The following FBF1 variants were observed in gnomAD, a reference collection of about 807,000 sequenced individuals.
FBF1 encodes Fas binding factor 1.
In FBF1, 119 loss-of-function variants were observed where a neutral mutation model predicts 147.2. That is an observed-to-expected ratio of 0.81 (90% CI 0.70 to 0.94). The LOEUF (loss-of-function observed/expected upper bound fraction) is 0.94. Ranked by LOEUF, FBF1 falls within the 40% of genes least tolerant of loss-of-function variation. The probability of loss-of-function intolerance (pLI) is 0.00; values close to 1 mark genes in which losing one functional copy is unlikely to be tolerated. For missense variants in FBF1, 1,449 were observed against 1,500.8 expected (o/e 0.97, Z 0.57); for synonymous variants, 601 against 609.0 (o/e 0.99, Z 0.19).
At chr17:75,940,323 C>T (rs919820909) in intron 1 of FBF1, among the ~76,000 whole-genome samples, 3 of 151,844 alleles carry the variant, frequency 2.0e-5, no homozygotes, top group Non-Finnish European at 2.9e-5. Flanking sequence ...GCTCTCATAG[C>T]TTACTGCAGC....
In FBF1 at chr17:75,920,531, T is replaced by A. The variant is rs2065519250; in HGVS notation, c.1675-102A>T. ...ACTGCTCACTGGACCTCCCTGCATCTGATCTGTGGCTGCAGATGGGGCCAA... is the reference window on the plus strand; with the variant it reads ...ACTGCTCACTGGACCTCCCTGCATCAGATCTGTGGCTGCAGATGGGGCCAA... On this transcript the variant is annotated intron_variant, in intron 17 of 29. Transcript: ENST00000636174. The A allele has an allele frequency of 3.1e-6, 4 of 1,283,172 alleles. No homozygotes were observed. The Admixed American group carries it at 1.0e-4, about 34-fold the overall frequency. 79.5% of individuals were successfully genotyped at this position (1,283,172 alleles called of 1,614,324 possible). A position where few individuals can be genotyped will look rare whatever the true frequency, so the allele number is the denominator to read the frequency against.
rs1448443245 is a variant in FBF1, at chr17:75,925,609, A to G, written c.869-163T>C. Among the ~76,000 whole-genome samples the G allele has an allele frequency of 1.3e-5, 2 of 152,236 alleles. No individual in the cohort carries two copies. The highest frequency in any genetic ancestry group is 2.9e-5 in the Non-Finnish European group (2 of 68,032). ...CCTCAGGCACTGGCCAGGAAGATGC[A>G]GTGGCCTTGCAGTAGCCAGACCCTG... On this transcript the variant is annotated intron_variant, in intron 12 of 29. Coordinates refer to ENST00000636174, the MANE Select transcript of FBF1 (RefSeq NM_001319193.2). The surrounding 1 kb of genome is among the most constrained non-coding windows in gnomAD (Gnocchi z 5.0).
chr17:75,929,964 C>CCCACACAAAAAA, intron 7 of FBF1, 33 bp downstream of exon 7: 1 of 1,402,202 alleles, frequency 7.1e-7, no homozygotes, highest in Non-Finnish European at 9.9e-7. Context: ...CACCCACCCC[C>CCCACACAAAAAA]AGTTCTAAGA....
chr17:75,940,666 G>C (rs532459181), intron 1 of FBF1, 182 bp downstream of exon 1: 1 of 153,868 alleles, frequency 6.5e-6, no homozygotes, highest in Non-Finnish European at 1.5e-5. Flanking sequence ...GGGCTTCTCA[G>C]ACTATGGGGA....
At chr17:75,921,446 A>G in intron 16 of FBF1, 26 bp downstream of exon 16, 1 of 1,602,498 alleles carries the variant, frequency 6.2e-7, no homozygotes, top group South Asian at 1.1e-5. Context: ...TAAACTCCCA[A>G]ATGAAGCAGC....
intron 15 of FBF1, 50 bp from the exon 16 acceptor site, chr17:75,921,610 G>A: frequency 1.3e-6 from 2 of 1,499,954 alleles, no homozygotes; most frequent in Non-Finnish European, 1.8e-6. Flanking sequence ...GTGGGACACG[G>A]GGACGGGGCA....
intron 2 of FBF1, 168 bp from the exon 3 acceptor site, chr17:75,937,761 G>T: frequency 1.3e-6 from 1 of 766,246 alleles, no homozygotes; most frequent in Non-Finnish European, 2.2e-6. Context: ...TTCTGAGAAC[G>T]GACTCATTCA....
At chr17:75,937,183 T>G (rs1001462011) in intron 3 of FBF1, among the ~76,000 whole-genome samples, 1 of 152,082 alleles carries the variant, frequency 6.6e-6, no homozygotes, top group Non-Finnish European at 1.5e-5. Context: ...CATTTTTTTT[T>G]TTTTTGAGAC....
In FBF1 at chr17:75,930,663, C is replaced by T. The variant is rs563843255; in HGVS notation, c.228+566G>A. On this transcript the variant is annotated intron_variant, in intron 6 of 29. Transcript: ENST00000636174. ...TCTTTGGCTGGGCACGGTGGGTCAG[C>T]CTGTAATCACAGTACTTTGAGAGGC... Among the ~76,000 whole-genome samples the T allele has an allele frequency of 3.3e-5, 5 of 152,234 alleles. No individual in the cohort carries two copies. The East Asian group carries it at 9.7e-4, about 29-fold the overall frequency.
rs747830668 is a variant in FBF1 at position 75,938,108 on chromosome 17, T to C, written c.3+39A>G. ...CTTTGGGGATGCAGGATGGGAGGCA[T>C]GTTCGCTTTCCATGCATCTTACTCT... On this transcript the variant is annotated intron_variant, in intron 2 of 29. Coordinates refer to ENST00000636174, the MANE Select transcript of FBF1 (RefSeq NM_001319193.2). 6 of 1,612,136 alleles carry C rather than the reference T, an allele frequency of 3.7e-6. No homozygotes were observed. The South Asian group carries it at 5.5e-5, about 15-fold the overall frequency.
Position 75,918,518 on chromosome 17 carries a change from CAG to C in FBF1, c.2139-251_2139-250del, listed in dbSNP as rs1474608309. 1.3e-5 allele frequency among the ~76,000 whole-genome samples: 2 copies of C among 152,280 alleles called. No homozygotes were observed. Among genetic ancestry groups the C allele is most frequent in the East Asian group, 1.9e-4 (1 of 5,180 alleles). On this transcript the variant is annotated intron_variant, in intron 20 of 29. Coordinates refer to ENST00000636174, the MANE Select transcript of FBF1 (RefSeq NM_001319193.2). The surrounding 1 kb of genome is among the most constrained non-coding windows in gnomAD (Gnocchi z 5.8). ...GGAGATGGAGTTTTGCTCTGTCACC[CAG>C]AGTCTCTCACTCTGTCGCCCAGGCT... is the stretch of plus-strand genomic sequence containing the variant.
Position 75,937,535 on chromosome 17 carries a change from C to T in FBF1, c.31+31G>A, listed in dbSNP as rs756293684. 2.5e-6 allele frequency: 4 copies of T among 1,612,730 alleles called. No homozygotes were observed. The African/African-American group carries it at 5.3e-5, about 22-fold the overall frequency. ...AAAGGGGAAAAAGATATATATTTGG[C>T]TTAAGAGTAATGTTCCATCTCTCCA... is the stretch of plus-strand genomic sequence containing the variant. On this transcript the variant is annotated intron_variant, in intron 3 of 29. Transcript: ENST00000636174.
chr17:75,936,514 C>G (rs1199167540), intron 3 of FBF1, among the ~76,000 whole-genome samples: 1 of 150,772 alleles, frequency 6.6e-6, no homozygotes, highest in Non-Finnish European at 1.5e-5. Flanking sequence ...ACAAACAAAA[C>G]CAAAACAAAA....
chr17:75,938,237 T>G lies in FBF1; in HGVS notation c.-83-5A>C. On this transcript the variant is annotated splice_polypyrimidine_tract_variant and splice_region_variant and intron_variant, in intron 1 of 29. Transcript: ENST00000636174. Reference sequence around the variant, plus strand: ...CCCACATCAGGCTCATACTCCCTAATGAAGAAAATTAAAGTGGTTGCTTAA... The same window carrying G: ...CCCACATCAGGCTCATACTCCCTAAGGAAGAAAATTAAAGTGGTTGCTTAA... 6.3e-7 allele frequency: 1 copy of G among 1,579,536 alleles called. No homozygotes were observed. The highest frequency in any genetic ancestry group is 8.7e-7 in the Non-Finnish European group (1 of 1,154,736).
chr17:75,934,996 GGGA>G (rs2065615679), intron 4 of FBF1, among the ~76,000 whole-genome samples: 1 of 152,106 alleles, frequency 6.6e-6, no homozygotes, highest in South Asian at 2.1e-4. Flanking sequence ...TAAGGTTGGA[GGGA>G]GGAGAGAATG....
chr17:75,927,386 G>C, intron 9 of FBF1, 69 bp downstream of exon 9: 1 of 1,392,560 alleles, frequency 7.2e-7, no homozygotes, highest in Non-Finnish European at 9.9e-7. Flanking sequence ...CCTCGGGCCA[G>C]CAAGCATGCC....
chr17:75,924,948 C>T (rs8082553), intron 13 of FBF1, among the ~76,000 whole-genome samples: 3 of 151,998 alleles, frequency 2.0e-5, no homozygotes, highest in Non-Finnish European at 2.9e-5. Flanking sequence ...TCCTGGGAAG[C>T]GGGGTCTAAG....
At chr17:75,927,008 G>C in intron 9 of FBF1, 131 bp from the exon 10 acceptor site, 1 of 1,297,038 alleles carries the variant, frequency 7.7e-7, no homozygotes. Context: ...CCTGGCATCT[G>C]GAGGGTGGGG....
intron 4 of FBF1, 29 bp from the exon 5 acceptor site, chr17:75,933,117 C>G (rs771505872): frequency 6.5e-7 from 1 of 1,549,502 alleles, no homozygotes; most frequent in Non-Finnish European, 8.8e-7. Flanking sequence ...GAAAACGTGT[C>G]ATTTAACTAA....
Sources: gnomAD v4.1 joint callset for allele counts (sites outside exome capture counted in the v4.1 genomes callset) on GRCh38, gnomAD v4.1.1 for gene constraint, Gnocchi (gnomAD v3.1) non-coding constraint, MANE v1.5 for transcripts, NCBI Gene and HGNC (gene_info 2026-07-23, HGNC 2026-07-21) for gene names.